Variants in LIPC observed in about 807,000 individuals in gnomAD.
LIPC encodes lipase C, hepatic type, also known as hepatic triacylglycerol lipase.
LIPC carries 44 observed loss-of-function variants against 50.7 expected under a neutral mutation model. The observed-to-expected ratio is 0.87, with a 90% CI of 0.68 to 1.11. The LOEUF (loss-of-function observed/expected upper bound fraction) is 1.11. Among genes scored for constraint, LIPC ranks in the 50% most tolerant of loss-of-function variants. The pLI is 0.00. For synonymous variants in LIPC, 271 were observed against 256.4 expected, an observed-to-expected ratio of 1.06 and a Z score of -0.54; for missense variants, 697 against 648.2, an observed-to-expected ratio of 1.08 and a Z score of -0.82.
rs1313779982 is a variant in LIPC, at chr15:58,538,453, A to G, written c.209A>G (p.Asp70Gly). The G allele has an allele frequency of 1.2e-6, 2 of 1,614,194 alleles. No homozygotes were observed. Among genetic ancestry groups the G allele is most frequent in the Non-Finnish European group, 8.5e-7 (1 of 1,180,030 alleles). Residue 70 changes from aspartate (D) to glycine (G), a missense_variant, in exon 2 of 9, where the codon GAC (aspartate) becomes GGC (glycine). Transcript: ENST00000299022. ...QGCQIRINHP[D>G]TLQECGFNSS... The stretch of plus-strand genomic sequence containing the variant: ...TGTCAGATTCGAATCAATCATCCGG[A>G]CACGTTACAGGAGTGCGGCTTCAAC...
At chr15:58,560,754 T>A (rs1894131225) in intron 6 of LIPC, 110 bp from the exon 7 acceptor site, 8 of 664,580 alleles carry the variant, frequency 1.2e-5, no homozygotes, top group Non-Finnish European at 1.4e-5. Context: ...TATTAATATC[T>A]ATCCAAACTC....
chr15:58,446,458 G>A (rs998360108), intron 1 of LIPC, among the ~76,000 whole-genome samples: 1 of 152,116 alleles, frequency 6.6e-6, no homozygotes, highest in Non-Finnish European at 1.5e-5. Flanking sequence ...TTTCCCAGTT[G>A]TCCCAAGATA....
intron 1 of LIPC, chr15:58,432,508 T>C (rs1427402533): frequency 3.4e-6 from 1 of 292,430 alleles, no homozygotes; most frequent in Non-Finnish European, 6.6e-6. Context: ...CTCTGTCGGG[T>C]TGGGGTTGTC....
At chr15:58,531,144 G>A (rs191866806) in intron 1 of LIPC, among the ~76,000 whole-genome samples, 3 of 152,264 alleles carry the variant, frequency 2.0e-5, no homozygotes, top group Admixed American at 2.0e-4. Flanking sequence ...GGTTTTGTCA[G>A]TCTTTTTAAT....
chr15:58,543,609 T>C (rs1893415509), intron 4 of LIPC, among the ~76,000 whole-genome samples: 1 of 152,142 alleles, frequency 6.6e-6, no homozygotes, highest in South Asian at 2.1e-4. Flanking sequence ...AACAAAGTTG[T>C]TGCGAATTTA....
chr15:58,540,086 C>T (rs1161879013), intron 2 of LIPC, among the ~76,000 whole-genome samples: 1 of 152,228 alleles, frequency 6.6e-6, no homozygotes, highest in Non-Finnish European at 1.5e-5. Flanking sequence ...ATCTAATAGA[C>T]TACTGTGGGC....
chr15:58,458,132 T>A (rs1413388056), intron 1 of LIPC, among the ~76,000 whole-genome samples: 1 of 151,168 alleles, frequency 6.6e-6, no homozygotes, highest in Non-Finnish European at 1.5e-5. Flanking sequence ...AGCACCTGTT[T>A]CCGTTTTTTT....
intron 1 of LIPC, among the ~76,000 whole-genome samples, chr15:58,491,247 G>C (rs72740897): frequency 1.3e-5 from 2 of 152,178 alleles, no homozygotes; most frequent in Non-Finnish European, 2.9e-5. Flanking sequence ...AACACAATAG[G>C]GAAATAGTTA....
Position 58,496,098 on chromosome 15 carries a change from C to G in LIPC, c.89-42235C>G, listed in dbSNP as rs151111270. 2.8e-3 allele frequency among the ~76,000 whole-genome samples: 419 copies of G among 152,252 alleles called. 2 individuals are homozygous for G. Among genetic ancestry groups the G allele is most frequent in the African/African-American group, 9.3e-3 (387 of 41,544 alleles). Reference sequence around the variant, plus strand: ...TTCTCATCCCTATCACGAGTTGGATCTAGGGCAGTGGTTCTCAGTGGTTCT... The same window carrying G: ...TTCTCATCCCTATCACGAGTTGGATGTAGGGCAGTGGTTCTCAGTGGTTCT... On this transcript the variant is annotated intron_variant, in intron 1 of 8. Coordinates refer to ENST00000299022, the MANE Select transcript of LIPC (RefSeq NM_000236.3).
At chr15:58,476,943 A>C (rs1891019589) in intron 1 of LIPC, among the ~76,000 whole-genome samples, 1 of 152,154 alleles carries the variant, frequency 6.6e-6, no homozygotes, top group Admixed American at 6.5e-5. Context: ...CTCTGACAAC[A>C]ATCAGGGTCA....
chr15:58,447,954 C>A (rs1212826811), intron 1 of LIPC, among the ~76,000 whole-genome samples: 1 of 152,212 alleles, frequency 6.6e-6, no homozygotes, highest in East Asian at 1.9e-4. Context: ...GCCTTTGACT[C>A]AAATCCAACT....
chr15:58,541,780 C>T lies in LIPC; in HGVS notation c.274-5C>T. ...AGTGCGACCCTCCCTCTGTCCCCTC[C>T]TCAGGTGGACGGCGTGCTAGAAAAC... On this transcript the variant is annotated splice_polypyrimidine_tract_variant and splice_region_variant and intron_variant, in intron 2 of 8. Coordinates refer to ENST00000299022, the MANE Select transcript of LIPC (RefSeq NM_000236.3). The T allele has an allele frequency of 6.2e-7, 1 of 1,613,158 alleles. No homozygotes were observed. Among genetic ancestry groups the T allele is most frequent in the Non-Finnish European group, 8.5e-7 (1 of 1,179,782 alleles).
At position 58,532,418 on chromosome 15, in the gene LIPC, G is replaced by A. The variant is rs1451355291; in HGVS notation, c.89-5915G>A. On this transcript the variant is annotated intron_variant, in intron 1 of 8. Transcript: ENST00000299022. ...TGTTCCATCCTGAGCAGAGTACATGGCCTGGAGAGTTTTCAGGGCAATTAT... is the reference window on the plus strand; with the variant it reads ...TGTTCCATCCTGAGCAGAGTACATGACCTGGAGAGTTTTCAGGGCAATTAT... Among the ~76,000 whole-genome samples, 5 of 152,308 alleles carry A rather than the reference G, an allele frequency of 3.3e-5. No homozygotes were observed. In the South Asian group the frequency reaches 6.2e-4, roughly 19 times the overall value.
chr15:58,535,716 C>CT (rs1293860485), intron 1 of LIPC, among the ~76,000 whole-genome samples: 6 of 152,208 alleles, frequency 3.9e-5, no homozygotes, highest in African/African-American at 1.4e-4. Context: ...GTTCTAATTA[C>CT]ATGTCAGGCA....
intron 1 of LIPC, chr15:58,521,609 G>A (rs1463079212): frequency 1.3e-5 from 2 of 152,360 alleles, no homozygotes; most frequent in Non-Finnish European, 2.9e-5. Flanking sequence ...ACTGGAAGCG[G>A]ATCCTCCCAG....
chr15:58,461,208 C>T (rs1240464982), intron 1 of LIPC, among the ~76,000 whole-genome samples: 8 of 152,198 alleles, frequency 5.3e-5, no homozygotes, highest in African/African-American at 1.7e-4. Flanking sequence ...AAAAAGCTAA[C>T]ATTTACTGAA....
At chr15:58,533,768 T>C (rs1338546305) in intron 1 of LIPC, among the ~76,000 whole-genome samples, 1 of 152,232 alleles carries the variant, frequency 6.6e-6, no homozygotes, top group Non-Finnish European at 1.5e-5. Context: ...TATGAAGATA[T>C]ACTCCAAATG....
intron 1 of LIPC, among the ~76,000 whole-genome samples, chr15:58,496,874 A>G (rs941740164): frequency 2.6e-5 from 4 of 151,866 alleles, no homozygotes; most frequent in African/African-American, 9.7e-5. Context: ...TAGTAGAGAT[A>G]GGGTTTCACT....
chr15:58,546,366 T>C (rs902922779), intron 5 of LIPC, among the ~76,000 whole-genome samples: 1 of 152,342 alleles, frequency 6.6e-6, no homozygotes, highest in South Asian at 2.1e-4. Flanking sequence ...GCCTCTATTC[T>C]GAACCACATG....
Sources: gnomAD v4.1 joint callset for allele counts (sites outside exome capture counted in the v4.1 genomes callset) on GRCh38, gnomAD v4.1.1 for gene constraint, MANE v1.5 for transcripts, NCBI Gene and HGNC (gene_info 2026-07-23, HGNC 2026-07-21) for gene names.